The following AOAH variants were observed in gnomAD, a reference collection of about 807,000 sequenced individuals.
AOAH encodes the protein acyloxyacyl hydrolase, also known as acyloxyacyl hydrolase (neutrophil).
A neutral mutation model predicts 92.2 loss-of-function variants in AOAH; 64 were observed. The ratio of observed to expected loss-of-function variants is 0.69; its 90% confidence interval spans 0.57 to 0.86. The LOEUF (loss-of-function observed/expected upper bound fraction) is 0.86, where lower values mean the gene tolerates loss of function less well. AOAH is among the 40% of genes least tolerant of loss of function. The pLI is 0.00. For missense variants in AOAH, 656 were observed against 694.6 expected, an observed-to-expected ratio of 0.94 and a Z score of 0.62; for synonymous variants, 263 against 254.5, an observed-to-expected ratio of 1.03 and a Z score of -0.32.
rs368723520 is a variant in AOAH at position 36,691,575 on chromosome 7, T to C, written c.128-4781A>G. On this transcript the variant is annotated intron_variant, in intron 1 of 20. Transcript: ENST00000617537. ...TAAGGTGCTCTGGTATAGTAGAGAG[T>C]AGAAGAATTGGGAGGTCAGAGAGAC... Among the ~76,000 whole-genome samples the C allele has an allele frequency of 2.9e-4, 44 of 151,804 alleles. 1 individual carries two copies. The highest frequency in any genetic ancestry group is 1.1e-3 in the African/African-American group (44 of 41,276).
At chr7:36,643,552 A>G (rs1394302019) in intron 4 of AOAH, among the ~76,000 whole-genome samples, 3 of 152,158 alleles carry the variant, frequency 2.0e-5, no homozygotes, top group African/African-American at 7.2e-5. Flanking sequence ...AGTGGTAAGA[A>G]AGGAGAAAGA....
intron 11 of AOAH, among the ~76,000 whole-genome samples, chr7:36,607,664 C>A (rs1395186188): frequency 1.3e-5 from 2 of 152,226 alleles, no homozygotes; most frequent in Non-Finnish European, 2.9e-5. Context: ...TCAGTCTTCA[C>A]AATTTTAAGT....
intron 1 of AOAH, among the ~76,000 whole-genome samples, chr7:36,694,426 A>G (rs1202025800): frequency 6.6e-6 from 1 of 151,420 alleles, no homozygotes; most frequent in Non-Finnish European, 1.5e-5. Flanking sequence ...TGAACCTGGG[A>G]GGTGGAGGTT....
chr7:36,579,391 A>AT (rs1788765096), intron 12 of AOAH, among the ~76,000 whole-genome samples: 2 of 148,078 alleles, frequency 1.4e-5, no homozygotes. Context: ...AAATTGTGAG[A>AT]TATAATAAAA....
chr7:36,698,597 C>G (rs1797853751), intron 1 of AOAH, among the ~76,000 whole-genome samples: 1 of 151,930 alleles, frequency 6.6e-6, no homozygotes. Flanking sequence ...TAGCTGCATT[C>G]AATAGATTTT....
chr7:36,589,521 C>T (rs1370016693), intron 12 of AOAH, among the ~76,000 whole-genome samples: 1 of 152,206 alleles, frequency 6.6e-6, no homozygotes, highest in East Asian at 1.9e-4. Context: ...CTCTCTTGAA[C>T]AATTTCCCTC....
At chr7:36,696,783 C>T (rs1584139180) in intron 1 of AOAH, among the ~76,000 whole-genome samples, 2 of 151,730 alleles carry the variant, frequency 1.3e-5, no homozygotes, top group African/African-American at 4.8e-5. Context: ...TTGCTTGAGC[C>T]GAGACCGGGA....
At chr7:36,583,335 A>T (rs572175849) in intron 12 of AOAH, among the ~76,000 whole-genome samples, 19 of 152,288 alleles carry the variant, frequency 1.2e-4, no homozygotes, top group African/African-American at 4.6e-4. Context: ...TGCTAGGAAA[A>T]TTTAAGAAAA....
chr7:36,575,912 G>A (rs1287581321), intron 13 of AOAH, among the ~76,000 whole-genome samples: 1 of 152,190 alleles, frequency 6.6e-6, no homozygotes, highest in Non-Finnish European at 1.5e-5. Flanking sequence ...GAACTGCTGA[G>A]GCAGAATCTG....
At chr7:36,630,682 A>G (rs1338638873) in intron 6 of AOAH, among the ~76,000 whole-genome samples, 1 of 152,206 alleles carries the variant, frequency 6.6e-6, no homozygotes. Context: ...AGACATAGGC[A>G]TAATTTAGTT....
At chr7:36,618,147 T>C in intron 10 of AOAH, 150 bp downstream of exon 10, 1 of 583,984 alleles carries the variant, frequency 1.7e-6, no homozygotes, top group South Asian at 2.9e-5. Context: ...TTTTTTCTGA[T>C]CTGTCATGAA....
At chr7:36,523,037 T>G (rs1784188214) in intron 19 of AOAH, among the ~76,000 whole-genome samples, 1 of 152,194 alleles carries the variant, frequency 6.6e-6, no homozygotes, top group Admixed American at 6.5e-5. Flanking sequence ...AATACAAGGC[T>G]GCTTTTACAA....
chr7:36,668,894 T>C (rs1334350364), intron 3 of AOAH, among the ~76,000 whole-genome samples: 1 of 152,276 alleles, frequency 6.6e-6, no homozygotes, highest in Non-Finnish European at 1.5e-5. Flanking sequence ...CTTCATAATG[T>C]TGAACCTATC....
Position 36,678,107 on chromosome 7 carries a change from G to A in AOAH, c.224-4098C>T, listed in dbSNP as rs552857616. ...TTTAAATGAGTGAACTGTACAGTATGTGAATTGTAGCTTAATAAAAGTGTT... is the reference window on the plus strand; with the variant it reads ...TTTAAATGAGTGAACTGTACAGTATATGAATTGTAGCTTAATAAAAGTGTT... On this transcript the variant is annotated intron_variant, in intron 2 of 20. Coordinates refer to ENST00000617537, the MANE Select transcript of AOAH (RefSeq NM_001637.4). Among the ~76,000 whole-genome samples, 75 of 152,330 alleles carry A rather than the reference G, an allele frequency of 4.9e-4. 2 individuals are homozygous for A. Among genetic ancestry groups the A allele is most frequent in the African/African-American group, 1.7e-3 (71 of 41,572 alleles).
At chr7:36,525,484 T>C (rs1784353984) in intron 19 of AOAH, among the ~76,000 whole-genome samples, 1 of 152,240 alleles carries the variant, frequency 6.6e-6, no homozygotes, top group Non-Finnish European at 1.5e-5. Context: ...TGTGTGTTAC[T>C]AATTACCAAA....
chr7:36,605,957 C>T (rs891646025), intron 11 of AOAH, among the ~76,000 whole-genome samples: 11 of 152,208 alleles, frequency 7.2e-5, no homozygotes, highest in African/African-American at 2.7e-4. Flanking sequence ...GGTTTCTCTC[C>T]TCATCACCTA....
At chr7:36,636,551 T>C (rs886194178) in intron 5 of AOAH, among the ~76,000 whole-genome samples, 3 of 152,222 alleles carry the variant, frequency 2.0e-5, no homozygotes, top group Admixed American at 1.3e-4. Context: ...AATATCTTAT[T>C]CAACAACTTA....
At chr7:36,555,121 T>C (rs1209665982) in intron 13 of AOAH, among the ~76,000 whole-genome samples, 2 of 149,148 alleles carry the variant, frequency 1.3e-5, no homozygotes, top group African/African-American at 2.5e-5. Context: ...GGCTGTGGGT[T>C]TGTCATAGAT....
chr7:36,637,945 T>C, intron 4 of AOAH, 35 bp from the exon 5 acceptor site: 2 of 1,532,336 alleles, frequency 1.3e-6, no homozygotes, highest in South Asian at 1.1e-5. Context: ...TTACAACTCA[T>C]GTTTTATCTT....
Sources: gnomAD v4.1 joint callset for allele counts (sites outside exome capture counted in the v4.1 genomes callset) on GRCh38, gnomAD v4.1.1 for gene constraint, MANE v1.5 for transcripts, NCBI Gene and HGNC (gene_info 2026-07-23, HGNC 2026-07-21) for gene names.